Variants in NCOR2 observed in about 807,000 individuals in gnomAD.
NCOR2 encodes CTG repeat protein 26.
NCOR2 carries 81 observed loss-of-function variants against 262.9 expected under a neutral mutation model. That is an observed-to-expected ratio of 0.31 (90% CI 0.26 to 0.37). NCOR2 has a LOEUF of 0.37. NCOR2 is among the 10% of genes least tolerant of loss of function. The pLI is 1.00. For synonymous variants in NCOR2, 1,659 were observed against 1,559.3 expected (o/e 1.06, Z -1.51); for missense variants, 3,385 against 3,621.4 (o/e 0.93, Z 1.68).
rs1383727210 is a variant in NCOR2 at position 124,347,931 on chromosome 12, G to T, written c.3986-20C>A. The T allele has an allele frequency of 6.4e-7, 1 of 1,552,682 alleles. No individual in the cohort carries two copies. The highest frequency in any genetic ancestry group is 2.4e-5 in the East Asian group (1 of 41,112). ...TGAGACCTGGGTAGGAGAGGGTGAG[G>T]CCATCATTCCGTGGCTCCCTGAGCC... On this transcript the variant is annotated intron_variant, in intron 29 of 46. Transcript: ENST00000405201.
intron 1 of NCOR2, among the ~76,000 whole-genome samples, chr12:124,500,997 C>G (rs925633875): frequency 4.6e-5 from 7 of 151,998 alleles, no homozygotes; most frequent in Non-Finnish European, 8.8e-5. Context: ...GGTGGGGGAG[C>G]CTCGGGATTA....
chr12:124,438,919 A>AGG (rs2044595303), intron 7 of NCOR2, among the ~76,000 whole-genome samples: 1 of 15,748 alleles, frequency 6.4e-5, no homozygotes. Flanking sequence ...CCAGAGAGAG[A>AGG]GAGACGGAGA....
intron 8 of NCOR2, 121 bp downstream of exon 10, chr12:124,437,809 C>G: frequency 1.0e-6 from 1 of 961,704 alleles, no homozygotes; most frequent in Admixed American, 2.5e-5. Flanking sequence ...CCTCCGCAGC[C>G]TGGACACTCA....
chr12:124,356,173 C>T (rs919360134), intron 23 of NCOR2, among the ~76,000 whole-genome samples: 12 of 152,246 alleles, frequency 7.9e-5, no homozygotes, highest in Middle Eastern at 3.2e-3. Context: ...TTGGCCCACG[C>T]ATCCCTCGGG....
upstream of NCOR2, among the ~76,000 whole-genome samples, chr12:124,498,141 G>A (rs1439770170): frequency 2.0e-5 from 3 of 152,128 alleles, no homozygotes; most frequent in Non-Finnish European, 4.4e-5. Flanking sequence ...GGGCACCACG[G>A]GCAACTTCCA....
Position 124,388,701 on chromosome 12 carries a change from C to A in NCOR2, c.1877-2814G>T, listed in dbSNP as rs903495600. Reference sequence around the variant, plus strand: ...CTCACTCACATCCTCTCATTCGCGTCTCCCCCTCGGCCAAGTTTTCCGGAA... The same window carrying A: ...CTCACTCACATCCTCTCATTCGCGTATCCCCCTCGGCCAAGTTTTCCGGAA... On this transcript the variant is annotated intron_variant, in intron 16 of 46. Transcript: ENST00000405201. The A allele has an allele frequency of 5.4e-6, 7 of 1,304,478 alleles. No homozygotes were observed. In the African/African-American group the frequency reaches 9.1e-5, roughly 17 times the overall value. 80.8% of individuals were successfully genotyped at this position (1,304,478 alleles called of 1,614,324 possible).
intron 1 of NCOR2, among the ~76,000 whole-genome samples, chr12:124,524,790 C>A (rs2050371715): frequency 6.6e-6 from 1 of 152,240 alleles, no homozygotes; most frequent in African/African-American, 2.4e-5. Context: ...TCAGCTCTTG[C>A]CTCACCCAGG....
In NCOR2 at chr12:124,457,352, A is replaced by C. The variant is rs1340441268; in HGVS notation, c.706-190T>G. Among the ~76,000 whole-genome samples the C allele has an allele frequency of 1.3e-5, 2 of 152,032 alleles. No homozygotes were observed. The highest frequency in any genetic ancestry group is 4.8e-5 in the African/African-American group (2 of 41,402). On this transcript the variant is annotated intron_variant, in intron 5 of 46. Transcript: ENST00000405201. This position sits in a 1 kb window ranked among gnomAD's most constrained non-coding sequence, Gnocchi z 4.0. ...CTGGAAAAAAACACAGAGGAGCCTC[A>C]ATACCCCCACAGCGGCCCCAGCAAG...
At chr12:124,437,889 G>C in intron 8 of NCOR2, 41 bp downstream of exon 10, 1 of 1,585,298 alleles carries the variant, frequency 6.3e-7, no homozygotes, top group Non-Finnish European at 8.6e-7. Flanking sequence ...ATTCTCCCCA[G>C]ATCTCAAGGA....
chr12:124,492,078 G>A (rs2048113240), intron 1 of NCOR2, among the ~76,000 whole-genome samples: 6 of 152,202 alleles, frequency 3.9e-5, no homozygotes, highest in Non-Finnish European at 7.3e-5. Context: ...CTCACCAGCA[G>A]CCCGCAGATG....
At chr12:124,370,519 G>A (rs1001572506) in intron 20 of NCOR2, among the ~76,000 whole-genome samples, 1 of 152,304 alleles carries the variant, frequency 6.6e-6, no homozygotes, top group Middle Eastern at 3.4e-3. Context: ...GACTTGGGAG[G>A]GGAGAAAACA....
intron 16 of NCOR2, among the ~76,000 whole-genome samples, chr12:124,393,951 T>C (rs2041488946): frequency 6.6e-6 from 1 of 152,262 alleles, no homozygotes; most frequent in Non-Finnish European, 1.5e-5. Context: ...GCCCTCTGAC[T>C]GGTGGCCCCC....
At position 124,466,366 on chromosome 12, in the gene NCOR2, C is replaced by A; in HGVS notation, c.592-80G>T. ...CTGCAGCCCCCAGGGCGCGGGGAGG[C>A]CCCCTTGCAGCCCGGGCCACGGCCG... is the stretch of plus-strand genomic sequence containing the variant. On this transcript the variant is annotated intron_variant, in intron 4 of 46. Transcript: ENST00000405201. 8 of 1,344,960 alleles carry A rather than the reference C, an allele frequency of 5.9e-6. No homozygotes were observed. The South Asian group carries it at 8.5e-5, about 14-fold the overall frequency. 83.3% of individuals were successfully genotyped at this position (1,344,960 alleles called of 1,614,324 possible).
At chr12:124,345,031 A>G in intron 31 of NCOR2, 80 bp from the exon 34 acceptor site, 1 of 1,299,822 alleles carries the variant, frequency 7.7e-7, no homozygotes, top group Non-Finnish European at 1.0e-6. Flanking sequence ...TGAGCCTCAA[A>G]AAGTTTGTCA....
chr12:124,427,464 C>A (rs140809003), intron 10 of NCOR2, among the ~76,000 whole-genome samples: 1 of 152,228 alleles, frequency 6.6e-6, no homozygotes, highest in Non-Finnish European at 1.5e-5. Context: ...TCGCAGCCAG[C>A]CAATTACTGG....
intron 3 of NCOR2, among the ~76,000 whole-genome samples, chr12:124,475,277 A>T (rs1191906004): frequency 6.6e-6 from 1 of 152,076 alleles, no homozygotes; most frequent in African/African-American, 2.4e-5. Flanking sequence ...CCCCAGGGAC[A>T]CCTAGAAATC....
At chr12:124,450,012 G>GGGACCCAGCACGC in intron 6 of NCOR2, 145 bp from the exon 9 acceptor site, 1 of 779,148 alleles carries the variant, frequency 1.3e-6, no homozygotes, top group Non-Finnish European at 2.0e-6. Flanking sequence ...ACAGAACACA[G>GGGACCCAGCACGC]GGACCCAGCA....
chr12:124,329,224 G>C (rs994012237), intron 44 of NCOR2: 4 of 453,770 alleles, frequency 8.8e-6, no homozygotes, highest in African/African-American at 8.0e-5. Flanking sequence ...ACTTTGGGAG[G>C]CCCAATGTGG....
intron 6 of NCOR2, among the ~76,000 whole-genome samples, chr12:124,455,238 T>C (rs966175199): frequency 6.6e-6 from 1 of 152,152 alleles, no homozygotes; most frequent in Admixed American, 6.5e-5. Context: ...TGCGTGTGAA[T>C]TGTACCTCAA....
Sources: gnomAD v4.1 joint callset for allele counts (sites outside exome capture counted in the v4.1 genomes callset) on GRCh38, gnomAD v4.1.1 for gene constraint, Gnocchi (gnomAD v3.1) non-coding constraint, MANE v1.5 for transcripts, NCBI Gene and HGNC (gene_info 2026-07-23, HGNC 2026-07-21) for gene names.